The following ULK4 variants were observed in gnomAD, a reference collection of about 807,000 sequenced individuals.
ULK4 encodes unc-51 like kinase 4.
In ULK4, 133 loss-of-function variants were observed where a neutral mutation model predicts 160.6. The ratio of observed to expected loss-of-function variants is 0.83; its 90% CI spans 0.72 to 0.96. The LOEUF (loss-of-function observed/expected upper bound fraction) is 0.96, where lower values mean the gene tolerates loss of function less well. Ranked by LOEUF, ULK4 falls within the 40% of genes least tolerant of loss-of-function variation. The pLI, the probability that ULK4 is intolerant of heterozygous loss-of-function variation, is 0.00. For missense variants in ULK4, 1,580 were observed against 1,499.5 expected (o/e 1.05, Z -0.89); for synonymous variants, 534 against 539.8 (o/e 0.99, Z 0.15).
chr3:41,247,019 C>A, intron 36 of ULK4, 27 bp from the exon 37 acceptor site: 3 of 1,609,722 alleles, frequency 1.9e-6, no homozygotes, highest in Non-Finnish European at 2.5e-6. Context: ...AGTAGGTACA[C>A]TTAATAGGCA....
chr3:41,838,934 T>C (rs762226185), intron 17 of ULK4, among the ~76,000 whole-genome samples: 3 of 152,006 alleles, frequency 2.0e-5, no homozygotes, highest in Admixed American at 6.6e-5. Flanking sequence ...GAGTGGGGAA[T>C]AGGGAGATGT....
chr3:41,753,200 C>G (rs1171015080), intron 22 of ULK4, among the ~76,000 whole-genome samples: 1 of 152,164 alleles, frequency 6.6e-6, no homozygotes, highest in Non-Finnish European at 1.5e-5. Context: ...GCCTGGGCAA[C>G]AGAGTAAGAC....
rs182666066 is a variant in ULK4 at position 41,605,736 on chromosome 3, G to C, written c.3120+9933C>G. Among the ~76,000 whole-genome samples, 13 of 151,966 alleles carry C rather than the reference G, an allele frequency of 8.6e-5. No homozygotes were observed. In the East Asian group the frequency reaches 2.5e-3, roughly 29 times the overall value. ...AACCAGGTAAAGATAAAGATGACTT[G>C]AACAACAATGACAACCTATTTATCT... On this transcript the variant is annotated intron_variant, in intron 31 of 36. Coordinates refer to ENST00000301831, the MANE Select transcript of ULK4 (RefSeq NM_017886.4).
intron 34 of ULK4, among the ~76,000 whole-genome samples, chr3:41,424,995 C>G (rs1279825939): frequency 6.6e-6 from 1 of 152,062 alleles, no homozygotes; most frequent in African/African-American, 2.4e-5. Flanking sequence ...TAATAAACTT[C>G]ACTGAGCTAA....
At chr3:41,480,500 C>T (rs979314988) in intron 32 of ULK4, among the ~76,000 whole-genome samples, 1 of 152,062 alleles carries the variant, frequency 6.6e-6, no homozygotes, top group Non-Finnish European at 1.5e-5. Flanking sequence ...TCTTCCCTGT[C>T]CTCCTCAGTC....
intron 35 of ULK4, among the ~76,000 whole-genome samples, chr3:41,303,858 G>A (rs13313907): frequency 1.3e-5 from 2 of 151,942 alleles, no homozygotes; most frequent in Admixed American, 6.6e-5. Context: ...AAGAGGTCGG[G>A]GCAGGGTGGG....
intron 31 of ULK4, among the ~76,000 whole-genome samples, chr3:41,580,546 A>G (rs1467412727): frequency 1.3e-5 from 2 of 152,142 alleles, no homozygotes; most frequent in East Asian, 1.9e-4. Flanking sequence ...ACGACTCTGA[A>G]CCACGGCATC....
chr3:41,410,513 G>C (rs569048729), intron 34 of ULK4, among the ~76,000 whole-genome samples: 2 of 152,284 alleles, frequency 1.3e-5, no homozygotes, highest in South Asian at 4.1e-4. Context: ...GAGTTGTAGA[G>C]GGGAGGGAAT....
At chr3:41,388,626 T>C (rs901997397) in intron 35 of ULK4, among the ~76,000 whole-genome samples, 6 of 152,136 alleles carry the variant, frequency 3.9e-5, no homozygotes, top group Non-Finnish European at 5.9e-5. Flanking sequence ...ATTTGTTAAA[T>C]AGGGAATCCT....
rs1192444773 is a variant in ULK4, at chr3:41,721,362, ATTTTTT to A, written c.2322-3507_2322-3502del. The stretch of plus-strand genomic sequence containing the variant: ...TATATATATATATATATATATATAT[ATTTTTT>A]TTTTTTTTTTTTTGAAACGGAATCT... On this transcript the variant is annotated intron_variant, in intron 22 of 36. Coordinates refer to ENST00000301831, the MANE Select transcript of ULK4 (RefSeq NM_017886.4). Among the ~76,000 whole-genome samples the A allele has an allele frequency of 5.8e-3, 163 of 27,946 alleles. 1 individual carries two copies. The highest frequency in any genetic ancestry group is 0.031 in the Middle Eastern group (1 of 32). The allele number at this position is 27,946 out of a possible 152,430, so 18.3% of individuals were successfully genotyped here. A position where few individuals can be genotyped will look rare whatever the true frequency, so the allele number is the denominator to read the frequency against.
chr3:41,772,312 T>TA (rs1349200941), intron 21 of ULK4, among the ~76,000 whole-genome samples: 1 of 151,992 alleles, frequency 6.6e-6, no homozygotes, highest in Non-Finnish European at 1.5e-5. Context: ...ACAAAATTGA[T>TA]AGACTGCTAG....
intron 34 of ULK4, among the ~76,000 whole-genome samples, chr3:41,410,834 A>G (rs571549646): frequency 1.3e-5 from 2 of 152,214 alleles, no homozygotes; most frequent in South Asian, 4.1e-4. Context: ...AGACAAAGAC[A>G]GCATAAGTAA....
intron 31 of ULK4, among the ~76,000 whole-genome samples, chr3:41,567,007 T>C (rs551267323): frequency 6.6e-6 from 1 of 152,176 alleles, no homozygotes; most frequent in South Asian, 2.1e-4. Flanking sequence ...GGAGTCTAGC[T>C]TGCCCTGCTC....
intron 34 of ULK4, among the ~76,000 whole-genome samples, chr3:41,443,757 A>AAT (rs35443496): frequency 0.53 from 80,170 of 151,298 alleles, 21,654 homozygotes; most frequent in East Asian, 0.69. Flanking sequence ...ATTTTCAATA[A>AAT]ATATATTTTT....
chr3:41,572,946 C>G (rs534745765), intron 31 of ULK4, among the ~76,000 whole-genome samples: 1 of 152,188 alleles, frequency 6.6e-6, no homozygotes, highest in East Asian at 1.9e-4. Context: ...GGAAACGACT[C>G]ACAGAAGATG....
intron 32 of ULK4, among the ~76,000 whole-genome samples, chr3:41,550,209 T>C (rs544354053): frequency 1.3e-5 from 2 of 151,194 alleles, no homozygotes; most frequent in South Asian, 4.2e-4. Flanking sequence ...CGGTAAACAA[T>C]AAAAGAGAAA....
chr3:41,566,210 C>G (rs1565957), intron 31 of ULK4, 80 bp from the exon 32 acceptor site: 947,250 of 1,164,446 alleles, frequency 0.81, 390,282 homozygotes, highest in Middle Eastern at 0.91. Flanking sequence ...CAAATGATGT[C>G]CACTGCTTCA....
intron 2 of ULK4, among the ~76,000 whole-genome samples, chr3:41,939,143 A>G (rs1034665375): frequency 6.7e-6 from 1 of 149,204 alleles, no homozygotes; most frequent in African/African-American, 2.4e-5. Context: ...AAACAAAGCA[A>G]GACATGAGCA....
At position 41,683,297 on chromosome 3, in the gene ULK4, C is replaced by G. The variant is rs185193941; in HGVS notation, c.2782-1493G>C. On this transcript the variant is annotated intron_variant, in intron 27 of 36. Coordinates refer to ENST00000301831, the MANE Select transcript of ULK4 (RefSeq NM_017886.4). ...ACCTCAGGAGGCTCCAATGAAGCCT[C>G]GTCTGGGAGAACTCTGTCGGCCTCA... is the stretch of plus-strand genomic sequence containing the variant. Among the ~76,000 whole-genome samples, 11 of 152,152 alleles carry G rather than the reference C, an allele frequency of 7.2e-5. No individual in the cohort carries two copies. The East Asian group carries it at 2.1e-3, about 29-fold the overall frequency.
Sources: gnomAD v4.1 joint callset for allele counts (sites outside exome capture counted in the v4.1 genomes callset) on GRCh38, gnomAD v4.1.1 for gene constraint, MANE v1.5 for transcripts, NCBI Gene and HGNC (gene_info 2026-07-23, HGNC 2026-07-21) for gene names.